Variants in CTNNA3 observed in about 807,000 individuals in gnomAD.
CTNNA3 encodes catenin alpha-3.
In CTNNA3, 76 loss-of-function variants were observed where a neutral mutation model predicts 95.7. The ratio of observed to expected loss-of-function variants is 0.79; its 90% confidence interval spans 0.66 to 0.96. CTNNA3 has a LOEUF of 0.96. Among genes scored for constraint, CTNNA3 ranks in the 40% least tolerant of loss-of-function variants. The pLI, the probability that CTNNA3 is intolerant of heterozygous loss-of-function variation, is 0.00. For missense variants in CTNNA3, 1,191 were observed against 1,089.8 expected (o/e 1.09, Z -1.31); for synonymous variants, 431 against 374.4 (o/e 1.15, Z -1.74).
chr10:67,286,566 T>C (rs1839610770), intron 5 of CTNNA3, among the ~76,000 whole-genome samples: 1 of 152,214 alleles, frequency 6.6e-6, no homozygotes, highest in Non-Finnish European at 1.5e-5. Flanking sequence ...GAATGGTGCC[T>C]TTTATCTGCC....
intron 7 of CTNNA3, among the ~76,000 whole-genome samples, chr10:66,996,878 C>T (rs529209355): frequency 6.6e-6 from 1 of 152,114 alleles, no homozygotes; most frequent in East Asian, 1.9e-4. Context: ...TGTAAATGTT[C>T]AGCAATTATC....
chr10:66,658,511 G>A (rs768604291), intron 9 of CTNNA3, among the ~76,000 whole-genome samples: 3 of 152,134 alleles, frequency 2.0e-5, no homozygotes, highest in Non-Finnish European at 4.4e-5. Context: ...AAATATAAGA[G>A]AGGAGGTCAA....
chr10:66,416,599 C>T (rs191764626), intron 11 of CTNNA3, among the ~76,000 whole-genome samples: 1 of 151,670 alleles, frequency 6.6e-6, no homozygotes, highest in Admixed American at 6.6e-5. Context: ...AAACCTCCAT[C>T]AGAACAAGAG....
At chr10:67,046,196 T>G (rs1470720407) in intron 7 of CTNNA3, among the ~76,000 whole-genome samples, 1 of 152,240 alleles carries the variant, frequency 6.6e-6, no homozygotes, top group Non-Finnish European at 1.5e-5. Context: ...ACATAGTTAA[T>G]GGGGTTTCAA....
intron 13 of CTNNA3, among the ~76,000 whole-genome samples, chr10:66,165,034 C>A (rs2085053638): frequency 6.6e-6 from 1 of 152,000 alleles, no homozygotes; most frequent in African/African-American, 2.4e-5. Flanking sequence ...GAATACAATA[C>A]CCTAAATGAA....
At chr10:66,990,803 T>G (rs1230108129) in intron 7 of CTNNA3, among the ~76,000 whole-genome samples, 1 of 152,200 alleles carries the variant, frequency 6.6e-6, no homozygotes, top group Non-Finnish European at 1.5e-5. Context: ...AAATCTGTCC[T>G]TTACCAATAC....
chr10:66,466,552 C>G (rs766174137), intron 11 of CTNNA3, among the ~76,000 whole-genome samples: 65 of 151,998 alleles, frequency 4.3e-4, no homozygotes, highest in Non-Finnish European at 7.2e-4. Context: ...CTCATTGTGT[C>G]CAGCAACACT....
At chr10:67,639,867 A>G (rs1464271974) in intron 2 of CTNNA3, among the ~76,000 whole-genome samples, 1 of 152,226 alleles carries the variant, frequency 6.6e-6, no homozygotes, top group Non-Finnish European at 1.5e-5. Context: ...CAACATAATA[A>G]GAGCTATTTA....
chr10:66,819,774 C>A (rs988169495), intron 7 of CTNNA3, among the ~76,000 whole-genome samples: 4 of 152,020 alleles, frequency 2.6e-5, no homozygotes, highest in African/African-American at 9.7e-5. Flanking sequence ...AAATGAAAAC[C>A]ACAATGACAT....
intron 9 of CTNNA3, among the ~76,000 whole-genome samples, chr10:66,761,810 G>A (rs899997464): frequency 5.3e-5 from 8 of 152,138 alleles, no homozygotes; most frequent in Non-Finnish European, 1.5e-5. Context: ...CTGGAACAGA[G>A]TCTATAGAGT....
At chr10:66,294,281 G>T (rs10822794) in intron 12 of CTNNA3, among the ~76,000 whole-genome samples, 34,413 of 152,024 alleles carry the variant, frequency 0.23, 4,075 homozygotes, top group Admixed American at 0.29. Flanking sequence ...TTTAACAGTG[G>T]TTTTCAACTC....
chr10:66,927,616 C>G lies in CTNNA3; in HGVS notation c.1048-152092G>C, dbSNP rs764490237. 6.2e-7 allele frequency: 1 copy of G among 1,614,154 alleles called. No individual in the cohort carries two copies. Among genetic ancestry groups the G allele is most frequent in the Non-Finnish European group, 8.5e-7 (1 of 1,180,026 alleles). ...TCCAAGGTTGGTCAGCCTTCAGAACCTTTACTTGCAGTGGAATAAAATCAG... is the reference window on the plus strand; with the variant it reads ...TCCAAGGTTGGTCAGCCTTCAGAACGTTTACTTGCAGTGGAATAAAATCAG... On this transcript the variant is annotated intron_variant, in intron 7 of 17. Transcript: ENST00000433211. The surrounding 1 kb of genome is among the most constrained non-coding windows in gnomAD (Gnocchi z 4.7).
intron 10 of CTNNA3, among the ~76,000 whole-genome samples, chr10:66,539,116 A>C (rs2132071643): frequency 6.6e-6 from 1 of 152,290 alleles, no homozygotes; most frequent in Middle Eastern, 3.4e-3. Context: ...CTAATACGAC[A>C]TTGGAAATGA....
intron 9 of CTNNA3, among the ~76,000 whole-genome samples, chr10:66,631,656 T>G (rs1845139020): frequency 6.6e-6 from 1 of 152,062 alleles, no homozygotes; most frequent in Non-Finnish European, 1.5e-5. Flanking sequence ...ATCCAGAAAT[T>G]TCCAGCAAGT....
At chr10:66,210,203 T>G (rs1209288112) in intron 13 of CTNNA3, among the ~76,000 whole-genome samples, 1 of 151,714 alleles carries the variant, frequency 6.6e-6, no homozygotes, top group East Asian at 1.9e-4. Flanking sequence ...ATAAACTGTA[T>G]CATATATGGG....
At chr10:66,339,499 G>T (rs1320670093) in intron 12 of CTNNA3, among the ~76,000 whole-genome samples, 2 of 151,726 alleles carry the variant, frequency 1.3e-5, no homozygotes, top group Non-Finnish European at 3.0e-5. Flanking sequence ...TTGGGAAAGA[G>T]AAATAAACAA....
chr10:65,921,019 A>T (rs1019882634), intron 17 of CTNNA3, among the ~76,000 whole-genome samples: 1 of 152,160 alleles, frequency 6.6e-6, no homozygotes. Flanking sequence ...AAATAACCCT[A>T]ATACGCCAAT....
At chr10:66,629,994 T>C (rs1378883416) in intron 9 of CTNNA3, among the ~76,000 whole-genome samples, 2 of 152,162 alleles carry the variant, frequency 1.3e-5, no homozygotes, top group Non-Finnish European at 2.9e-5. Flanking sequence ...AGAGCATGAT[T>C]CTCAGTTTAT....
chr10:66,312,302 T>C (rs185093703), intron 12 of CTNNA3, among the ~76,000 whole-genome samples: 13 of 152,256 alleles, frequency 8.5e-5, no homozygotes, highest in Admixed American at 5.2e-4. Context: ...TCTCACTATG[T>C]AGTTAGGCCT....
Sources: allele counts gnomAD v4.1 joint callset (sites outside exome capture counted in the v4.1 genomes callset), GRCh38; gene constraint gnomAD v4.1.1; non-coding constraint Gnocchi (gnomAD v3.1); transcripts MANE v1.5; gene names NCBI Gene and HGNC (gene_info 2026-07-23, HGNC 2026-07-21).